Variants in FOXP1 observed in about 807,000 individuals in gnomAD.
The protein encoded by FOXP1 is forkhead box protein P1.
A neutral mutation model predicts 98.2 loss-of-function variants in FOXP1; 15 were observed. The ratio of observed to expected loss-of-function variants is 0.15; its 90% CI spans 0.10 to 0.24. FOXP1 has a LOEUF of 0.24. Ranked by LOEUF, FOXP1 falls within the 10% of genes least tolerant of loss-of-function variation. The pLI is 1.00. For missense variants in FOXP1, 633 were observed against 848.5 expected, an observed-to-expected ratio of 0.75 and a Z score of 3.15; for synonymous variants, 371 against 314.5, an observed-to-expected ratio of 1.18 and a Z score of -1.90.
chr3:71,075,496 C>A (rs1018471260), intron 7 of FOXP1, among the ~76,000 whole-genome samples: 1 of 152,168 alleles, frequency 6.6e-6, no homozygotes, highest in Non-Finnish European at 1.5e-5. Flanking sequence ...AACTCAGCAG[C>A]GGCAGATCCT....
chr3:71,179,323 T>G (rs13315036), intron 6 of FOXP1, among the ~76,000 whole-genome samples: 65,416 of 151,346 alleles, frequency 0.43, 14,603 homozygotes, highest in Middle Eastern at 0.57. Flanking sequence ...TAGAGACAGG[T>G]TTTTGAACTC....
chr3:71,243,627 T>G (rs918436610), intron 5 of FOXP1, among the ~76,000 whole-genome samples: 7 of 152,252 alleles, frequency 4.6e-5, no homozygotes, highest in African/African-American at 1.7e-4. Flanking sequence ...TTCCCTCTTC[T>G]AATCACCAAC....
intron 3 of FOXP1, among the ~76,000 whole-genome samples, chr3:71,387,599 T>C (rs999660809): frequency 1.3e-5 from 2 of 152,244 alleles, no homozygotes; most frequent in Non-Finnish European, 2.9e-5. Flanking sequence ...TGAATTCACA[T>C]TGGTTTTTTT....
chr3:71,088,773 A>G (rs559749622), intron 7 of FOXP1, among the ~76,000 whole-genome samples: 14 of 152,322 alleles, frequency 9.2e-5, no homozygotes, highest in Admixed American at 8.5e-4. Context: ...CTTTGAGAAT[A>G]TGCAACTTCC....
chr3:70,986,239 C>T (rs2039712489), intron 14 of FOXP1, among the ~76,000 whole-genome samples: 2 of 152,304 alleles, frequency 1.3e-5, no homozygotes, highest in Admixed American at 1.3e-4. Context: ...TTTTGTGGCC[C>T]ACAGGGGCTT....
At chr3:71,058,954 C>T (rs936738514) in intron 7 of FOXP1, among the ~76,000 whole-genome samples, 26 of 151,354 alleles carry the variant, frequency 1.7e-4, no homozygotes, top group Non-Finnish European at 2.8e-4. Flanking sequence ...TGGAATTCTG[C>T]TTTTTGTATA....
At chr3:71,040,632 G>A (rs2048216137) in intron 11 of FOXP1, among the ~76,000 whole-genome samples, 1 of 152,098 alleles carries the variant, frequency 6.6e-6, no homozygotes, top group Non-Finnish European at 1.5e-5. Flanking sequence ...TTCATGTAAA[G>A]CCCAGGGCAA....
chr3:71,450,367 G>T (rs762685762), intron 3 of FOXP1, among the ~76,000 whole-genome samples: 8 of 152,192 alleles, frequency 5.3e-5, no homozygotes, highest in Non-Finnish European at 1.0e-4. Flanking sequence ...GCCCTCCCCA[G>T]CTCAACCTTC....
chr3:71,349,977 A>T (rs956448975), intron 4 of FOXP1, among the ~76,000 whole-genome samples: 3 of 152,244 alleles, frequency 2.0e-5, no homozygotes, highest in Admixed American at 6.5e-5. Flanking sequence ...AATTATTAGG[A>T]AAGTGGTTGT....
At chr3:71,062,928 G>A (rs181742348) in intron 7 of FOXP1, among the ~76,000 whole-genome samples, 2 of 152,264 alleles carry the variant, frequency 1.3e-5, no homozygotes, top group East Asian at 1.9e-4. Context: ...CTAGTCAAAT[G>A]TATTTTTATT....
chr3:70,959,421 G>A (rs1559560169), intron 20 of FOXP1, 30 bp from the exon 21 acceptor site: 2 of 1,613,526 alleles, frequency 1.2e-6, no homozygotes, highest in African/African-American at 2.7e-5. Flanking sequence ...GTTCAGTGAG[G>A]GTACTTCCCA....
At chr3:71,457,628 C>T (rs2087631321) in intron 3 of FOXP1, among the ~76,000 whole-genome samples, 1 of 152,152 alleles carries the variant, frequency 6.6e-6, no homozygotes, top group South Asian at 2.1e-4. Flanking sequence ...GTGCAAATCC[C>T]TCTAAAGCAT....
chr3:71,304,516 T>C (rs1251842212), intron 4 of FOXP1, among the ~76,000 whole-genome samples: 2 of 152,232 alleles, frequency 1.3e-5, no homozygotes, highest in Non-Finnish European at 2.9e-5. Context: ...TCATGGAAAG[T>C]TAAAGTACCT....
intron 5 of FOXP1, among the ~76,000 whole-genome samples, chr3:71,238,548 C>T (rs1475965116): frequency 6.6e-6 from 1 of 152,200 alleles, no homozygotes; most frequent in African/African-American, 2.4e-5. Context: ...GACCTAACAG[C>T]TGTCTGACCT....
intron 2 of FOXP1, among the ~76,000 whole-genome samples, chr3:71,512,265 T>C (rs2042254412): frequency 1.3e-5 from 2 of 152,148 alleles, no homozygotes; most frequent in Admixed American, 1.3e-4. Flanking sequence ...GTAATATACC[T>C]GGCCCCTAAA....
intron 3 of FOXP1, among the ~76,000 whole-genome samples, chr3:71,461,392 G>GT (rs1203319501): frequency 1.3e-5 from 2 of 152,320 alleles, no homozygotes; most frequent in East Asian, 3.9e-4. Context: ...ATGCAACATA[G>GT]TAAGTGTACG....
chr3:71,188,418 CCTTTTTTTTTTTT>C (rs1203421251), intron 6 of FOXP1, among the ~76,000 whole-genome samples: 2 of 149,186 alleles, frequency 1.3e-5, no homozygotes, highest in African/African-American at 2.5e-5. Context: ...TTTTTTTTTT[CCTTTTTTTTTTTT>C]GAGATGGACT....
chr3:71,247,012 G>A (rs1345620845), intron 5 of FOXP1, among the ~76,000 whole-genome samples: 1 of 152,036 alleles, frequency 6.6e-6, no homozygotes, highest in East Asian at 1.9e-4. Flanking sequence ...TCACTGTGGC[G>A]CTACAGCTCT....
intron 11 of FOXP1, among the ~76,000 whole-genome samples, chr3:71,016,715 T>A (rs796800747): frequency 9.2e-5 from 14 of 151,792 alleles, no homozygotes; most frequent in Admixed American, 9.2e-4. Flanking sequence ...GAGGCCTGTA[T>A]TTCATTTCAT....
Sources: allele counts gnomAD v4.1 joint callset (sites outside exome capture counted in the v4.1 genomes callset), GRCh38; gene constraint gnomAD v4.1.1; transcripts MANE v1.5; gene names NCBI Gene and HGNC (gene_info 2026-07-23, HGNC 2026-07-21).